The following ATXN7L1 variants were observed in gnomAD, a reference collection of about 807,000 sequenced individuals.
ATXN7L1 encodes ataxin 7 like 1, also known as ataxin-7-like protein 1.
ATXN7L1 carries 15 observed loss-of-function variants against 70.8 expected under a neutral mutation model. The ratio of observed to expected loss-of-function variants is 0.21; its 90% CI spans 0.14 to 0.33. The LOEUF is 0.33. Among genes scored for constraint, ATXN7L1 ranks in the 10% least tolerant of loss-of-function variants. The probability of loss-of-function intolerance (pLI) is 1.00; values close to 1 mark genes in which losing one functional copy is unlikely to be tolerated. For missense variants in ATXN7L1, 975 were observed against 1,097.1 expected, an observed-to-expected ratio of 0.89 and a Z score of 1.57; for synonymous variants, 440 against 445.1, an observed-to-expected ratio of 0.99 and a Z score of 0.14.
intron 3 of ATXN7L1, among the ~76,000 whole-genome samples, chr7:105,697,163 T>A (rs573786517): frequency 6.6e-6 from 1 of 152,330 alleles, no homozygotes; most frequent in African/African-American, 2.4e-5. Flanking sequence ...ATTGATAACA[T>A]CTTATCAGGA....
chr7:105,760,408 G>A (rs1346598394), intron 3 of ATXN7L1: 1 of 978,526 alleles, frequency 1.0e-6, no homozygotes, highest in Non-Finnish European at 1.2e-6. Context: ...AAACAGCACA[G>A]CCAGCAGGTG....
intron 3 of ATXN7L1, among the ~76,000 whole-genome samples, chr7:105,702,192 T>A (rs2116238162): frequency 6.6e-6 from 1 of 152,316 alleles, no homozygotes; most frequent in Non-Finnish European, 1.5e-5. Flanking sequence ...ATAACTGGTA[T>A]CTCACAGAAA....
chr7:105,809,013 G>C lies in ATXN7L1; in HGVS notation c.251-20305C>G, dbSNP rs145624941. Among the ~76,000 whole-genome samples the C allele has an allele frequency of 3.7e-4, 57 of 152,302 alleles. 1 individual carries two copies. In the East Asian group the frequency reaches 0.01, roughly 27 times the overall value. On this transcript the variant is annotated intron_variant, in intron 2 of 11. Transcript: ENST00000419735. ...GAGGCGTTTCTCCCAAAGAAGCGTG[G>C]ATGCACCTCCCCATATTGCAGAGCC... is the stretch of plus-strand genomic sequence containing the variant.
chr7:105,702,885 G>C (rs1025833364), intron 3 of ATXN7L1, among the ~76,000 whole-genome samples: 3 of 152,094 alleles, frequency 2.0e-5, no homozygotes, highest in African/African-American at 7.2e-5. Flanking sequence ...TTGGGAGGCC[G>C]AGGCAGGCAG....
At chr7:105,718,607 T>G (rs973982071) in intron 3 of ATXN7L1, among the ~76,000 whole-genome samples, 1 of 152,192 alleles carries the variant, frequency 6.6e-6, no homozygotes, top group Non-Finnish European at 1.5e-5. Flanking sequence ...ACACACAGTT[T>G]GCATCTCTGC....
chr7:105,677,583 G>T (rs1804877977), intron 3 of ATXN7L1, among the ~76,000 whole-genome samples: 1 of 152,212 alleles, frequency 6.6e-6, no homozygotes, highest in African/African-American at 2.4e-5. Flanking sequence ...GAATAAATGG[G>T]TGTTGGGAGG....
intron 3 of ATXN7L1, among the ~76,000 whole-genome samples, chr7:105,774,632 G>A (rs1017755345): frequency 3.3e-5 from 5 of 152,068 alleles, no homozygotes; most frequent in Non-Finnish European, 7.4e-5. Flanking sequence ...AGATTACAGT[G>A]TGAACCACCG....
intron 3 of ATXN7L1, among the ~76,000 whole-genome samples, chr7:105,671,073 T>G (rs561475949): frequency 7.7e-6 from 1 of 129,956 alleles, no homozygotes; most frequent in Non-Finnish European, 1.6e-5. Flanking sequence ...CGCCACTGCA[T>G]TCCAGCCTGG....
At chr7:105,719,582 C>A (rs954559494) in intron 3 of ATXN7L1, among the ~76,000 whole-genome samples, 23 of 152,234 alleles carry the variant, frequency 1.5e-4, no homozygotes, top group Middle Eastern at 3.4e-3. Context: ...CTCCTAACTG[C>A]AGCAGGAGCC....
At chr7:105,850,391 A>G (rs74370798) in intron 2 of ATXN7L1, among the ~76,000 whole-genome samples, 27,973 of 152,218 alleles carry the variant, frequency 0.18, 3,021 homozygotes, top group East Asian at 0.53. Context: ...CCTCTGTTCC[A>G]GGGGCTACTC....
chr7:105,720,749 C>A (rs1014430586), intron 3 of ATXN7L1, among the ~76,000 whole-genome samples: 23 of 152,134 alleles, frequency 1.5e-4, no homozygotes, highest in Non-Finnish European at 3.1e-4. Context: ...GGATTACAGG[C>A]ATGAGCCACT....
intron 11 of ATXN7L1, among the ~76,000 whole-genome samples, chr7:105,609,097 T>G (rs1792931085): frequency 6.6e-6 from 1 of 152,202 alleles, no homozygotes; most frequent in African/African-American, 2.4e-5. Flanking sequence ...AACTGCATCC[T>G]GAATGGTGGC....
rs186711682 is a variant in ATXN7L1, at chr7:105,685,157, A to T, written c.356-19869T>A. 2.0e-5 allele frequency among the ~76,000 whole-genome samples: 3 copies of T among 152,120 alleles called. No individual in the cohort carries two copies. The East Asian group carries it at 5.8e-4, about 29-fold the overall frequency. ...CACATACAGACATTAGAAAGCTGTAATCTATAGAAGGAGCACTGACATCCA... is the reference window on the plus strand; with the variant it reads ...CACATACAGACATTAGAAAGCTGTATTCTATAGAAGGAGCACTGACATCCA... On this transcript the variant is annotated intron_variant, in intron 3 of 11. Transcript: ENST00000419735.
chr7:105,700,030 G>A (rs1792232300), intron 3 of ATXN7L1, among the ~76,000 whole-genome samples: 5 of 152,062 alleles, frequency 3.3e-5, no homozygotes, highest in Admixed American at 2.6e-4. Flanking sequence ...GAGGAGCAGC[G>A]ACTCAGAGCC....
chr7:105,613,864 G>C lies in ATXN7L1; in HGVS notation c.2470C>G (p.Gln824Glu). The C allele has an allele frequency of 6.4e-7, 1 of 1,551,960 alleles. No homozygotes were observed. The highest frequency in any genetic ancestry group is 8.7e-7 in the Non-Finnish European group (1 of 1,147,038). Residue 824 changes from glutamine to glutamate, a missense_variant and splice_region_variant, in exon 10 of 12, where the codon CAG becomes GAG. Physicochemically the swap from Gln to Glu is conservative, Grantham distance 29 (BLOSUM62 2). This residue lies in a region of ATXN7L1 where 635 missense variants were observed against 699.4 expected (regional missense o/e 0.91). Coordinates refer to ENST00000419735, the MANE Select transcript of ATXN7L1 (RefSeq NM_020725.2). ...PDPVNSTSSR[Q>E]VGKNSSLALS... is the part of the protein sequence containing the mutation. ...GGCGGTGCCAGGAGGTCCCTTACCT[G>C]CCGAGAGGAGGTGCTGTTAACGGGA...
chr7:105,824,928 A>C (rs193299895), intron 2 of ATXN7L1, among the ~76,000 whole-genome samples: 1 of 151,720 alleles, frequency 6.6e-6, no homozygotes, highest in Non-Finnish European at 1.5e-5. Context: ...TCTCAAAAAA[A>C]AAAAAACAAA....
chr7:105,819,399 T>C, intron 2 of ATXN7L1: 2 of 517,558 alleles, frequency 3.9e-6, no homozygotes, highest in South Asian at 3.9e-5. Context: ...CAATAAAAAA[T>C]TTAAAATTAG....
intron 3 of ATXN7L1, among the ~76,000 whole-genome samples, chr7:105,694,735 C>T (rs1297748729): frequency 6.6e-6 from 1 of 152,248 alleles, no homozygotes; most frequent in East Asian, 1.9e-4. Flanking sequence ...CAGGGCCACA[C>T]TGCAAACCAC....
chr7:105,748,553 C>G (rs1340654261), intron 3 of ATXN7L1, among the ~76,000 whole-genome samples: 1 of 152,212 alleles, frequency 6.6e-6, no homozygotes, highest in Non-Finnish European at 1.5e-5. Flanking sequence ...TCTGCAGACC[C>G]AGCACCAATG....
Sources: allele counts gnomAD v4.1 joint callset (sites outside exome capture counted in the v4.1 genomes callset), GRCh38; gene constraint gnomAD v4.1.1; regional missense constraint gnomAD v4.1.1; transcripts MANE v1.5; gene names NCBI Gene and HGNC (gene_info 2026-07-23, HGNC 2026-07-21).